AKT3: variants seen among roughly 807,000 people sequenced by gnomAD.
AKT3 encodes the protein RAC-gamma serine/threonine-protein kinase.
AKT3 carries 15 observed loss-of-function variants against 65.3 expected under a neutral mutation model. The observed-to-expected ratio is 0.23, with a 90% CI of 0.15 to 0.35. The LOEUF is 0.35. Ranked by LOEUF, AKT3 falls within the 10% of genes least tolerant of loss-of-function variation. The pLI is 1.00. For missense variants in AKT3, 243 were observed against 576.5 expected (o/e 0.42, Z 5.92); for synonymous variants, 206 against 183.8 (o/e 1.12, Z -0.98).
At chr1:243,654,605 C>T (rs1681624009) in intron 4 of AKT3, among the ~76,000 whole-genome samples, 1 of 152,166 alleles carries the variant, frequency 6.6e-6, no homozygotes, top group Non-Finnish European at 1.5e-5. Flanking sequence ...AGGCATAAGA[C>T]ACAATGCCCA....
chr1:243,587,658 C>G (rs909733849), intron 8 of AKT3, among the ~76,000 whole-genome samples: 8 of 151,952 alleles, frequency 5.3e-5, no homozygotes, highest in African/African-American at 1.9e-4. Flanking sequence ...AATATAGAAG[C>G]CATCTTCTAC....
chr1:243,766,405 T>C (rs1360796705), intron 2 of AKT3, among the ~76,000 whole-genome samples: 1 of 152,222 alleles, frequency 6.6e-6, no homozygotes, highest in Non-Finnish European at 1.5e-5. Context: ...GGTACTTTAA[T>C]AGAGAATCTA....
rs1168378349 is a variant in AKT3 at position 243,500,150 on chromosome 1, CA to C, written c.*5098del. 1 of 299,608 alleles carries C rather than the reference CA, an allele frequency of 3.3e-6. No individual in the cohort carries two copies. The highest frequency in any genetic ancestry group is 6.3e-6 in the Non-Finnish European group (1 of 159,730). 18.6% of individuals were successfully genotyped at this position (299,608 alleles called of 1,614,324 possible). On this transcript the variant is annotated 3_prime_UTR_variant, in exon 14 of 14. Coordinates refer to ENST00000673466, the MANE Select transcript of AKT3 (RefSeq NM_005465.7). The stretch of plus-strand genomic sequence containing the variant: ...TGATGAACAAAACACACCAAAAAGG[CA>C]CATATTTTAACTAGGCCAAAGTATA...
intron 13 of AKT3, among the ~76,000 whole-genome samples, chr1:243,492,604 G>GTTTTTC (rs1666797550): frequency 5.1e-5 from 3 of 58,866 alleles, no homozygotes; most frequent in African/African-American, 2.1e-4. Context: ...GCGCCCAGCT[G>GTTTTTC]TTTTTTTTTT....
intron 3 of AKT3, among the ~76,000 whole-genome samples, chr1:243,678,161 C>T (rs542443149): frequency 1.3e-5 from 2 of 152,206 alleles, no homozygotes; most frequent in South Asian, 2.1e-4. Flanking sequence ...TTGGAAAGCA[C>T]TCTCTAACTT....
chr1:243,560,217 T>A (rs1026148006), intron 10 of AKT3, among the ~76,000 whole-genome samples: 1 of 152,152 alleles, frequency 6.6e-6, no homozygotes, highest in African/African-American at 2.4e-5. Context: ...CAGTAATAAC[T>A]GTTTTCCATG....
At chr1:243,612,330 G>A (rs898225527) in intron 8 of AKT3, among the ~76,000 whole-genome samples, 3 of 151,808 alleles carry the variant, frequency 2.0e-5, no homozygotes, top group African/African-American at 4.8e-5. Context: ...GCCCAGGCCG[G>A]TCTCAAACTC....
At chr1:243,820,606 A>G (rs1268719141) in intron 2 of AKT3, among the ~76,000 whole-genome samples, 1 of 152,228 alleles carries the variant, frequency 6.6e-6, no homozygotes, top group Non-Finnish European at 1.5e-5. Flanking sequence ...AGAGAAACAT[A>G]ATGACCCAAT....
chr1:243,678,443 A>G (rs1683683636), intron 3 of AKT3, among the ~76,000 whole-genome samples: 1 of 152,192 alleles, frequency 6.6e-6, no homozygotes, highest in East Asian at 1.9e-4. Context: ...TCTCATCTTA[A>G]ATCTCTGCCA....
intron 4 of AKT3, among the ~76,000 whole-genome samples, chr1:243,650,592 C>T (rs962029088): frequency 6.6e-6 from 1 of 151,922 alleles, no homozygotes; most frequent in Non-Finnish European, 1.5e-5. Context: ...TATAAGGTGT[C>T]AGTAAGGGGT....
intron 12 of AKT3, among the ~76,000 whole-genome samples, chr1:243,514,291 A>G (rs1321640410): frequency 6.6e-6 from 1 of 152,142 alleles, no homozygotes; most frequent in Non-Finnish European, 1.5e-5. Context: ...GTTAGGGGAA[A>G]CTTGTCCTTT....
In AKT3 at chr1:243,618,681, C is replaced by A. The variant is rs191310258; in HGVS notation, c.562-3520G>T. Among the ~76,000 whole-genome samples, 5 of 152,116 alleles carry A rather than the reference C, an allele frequency of 3.3e-5. No individual in the cohort carries two copies. The East Asian group carries it at 7.7e-4, about 24-fold the overall frequency. ...AATAATGAACTTTTAAATCTAATTT[C>A]TTTCATAGAAGAATTAGGGGGAATG... is the stretch of plus-strand genomic sequence containing the variant. On this transcript the variant is annotated intron_variant, in intron 6 of 13. Transcript: ENST00000673466.
chr1:243,804,260 C>A (rs942530775), intron 2 of AKT3, among the ~76,000 whole-genome samples: 2 of 152,126 alleles, frequency 1.3e-5, no homozygotes, highest in South Asian at 4.1e-4. Context: ...AAATTTGAAA[C>A]ATTTTAAAAT....
At chr1:243,850,533 G>A (rs1042185927), upstream of AKT3, among the ~76,000 whole-genome samples, 144 of 151,286 alleles carry the variant, frequency 9.5e-4, 1 homozygote, top group Non-Finnish European at 2.8e-4. Context: ...TCGCTGAGGG[G>A]ACCCCCCGCC....
intron 8 of AKT3, among the ~76,000 whole-genome samples, chr1:243,573,821 G>A (rs763422240): frequency 2.0e-5 from 3 of 152,020 alleles, no homozygotes; most frequent in African/African-American, 4.8e-5. Flanking sequence ...AACATTCACT[G>A]GGTGCTTACT....
chr1:243,509,404 G>A (rs1488040262), intron 13 of AKT3, among the ~76,000 whole-genome samples: 1 of 152,116 alleles, frequency 6.6e-6, no homozygotes, highest in Non-Finnish European at 1.5e-5. Flanking sequence ...GTCGAGTAAG[G>A]AATAAAGCAG....
intron 8 of AKT3, among the ~76,000 whole-genome samples, chr1:243,598,872 C>T (rs1398113694): frequency 2.0e-5 from 3 of 151,996 alleles, no homozygotes; most frequent in African/African-American, 7.3e-5. Context: ...CTGTTTTATT[C>T]ATCCTAGCGA....
At chr1:243,514,144 C>T (rs781294003) in intron 12 of AKT3, among the ~76,000 whole-genome samples, 1 of 152,090 alleles carries the variant, frequency 6.6e-6, no homozygotes, top group Non-Finnish European at 1.5e-5. Context: ...CTTTATCTTT[C>T]CAATCAGAAG....
chr1:243,846,902 T>A (rs1318163474), intron 1 of AKT3, among the ~76,000 whole-genome samples: 1 of 152,208 alleles, frequency 6.6e-6, no homozygotes, highest in Non-Finnish European at 1.5e-5. Flanking sequence ...AGGGGTTGTT[T>A]GAAAGATTAA....
Sources: gnomAD v4.1 joint callset for allele counts (sites outside exome capture counted in the v4.1 genomes callset) on GRCh38, gnomAD v4.1.1 for gene constraint, MANE v1.5 for transcripts, NCBI Gene and HGNC (gene_info 2026-07-23, HGNC 2026-07-21) for gene names.